Variants in PALD1 observed in about 807,000 individuals in gnomAD.
PALD1 encodes the protein paladin.
Under a neutral mutation model 96.0 loss-of-function variants are expected in PALD1, and 57 were observed. That is an observed-to-expected ratio of 0.59 (90% CI 0.48 to 0.74). PALD1 has a LOEUF of 0.74. Ranked by LOEUF, PALD1 falls within the 30% of genes least tolerant of loss-of-function variation. The probability of loss-of-function intolerance (pLI) is 0.00; values close to 1 mark genes in which losing one functional copy is unlikely to be tolerated. For synonymous variants in PALD1, 464 were observed against 473.6 expected (o/e 0.98, Z 0.26); for missense variants, 1,063 against 1,143.7 (o/e 0.93, Z 1.02).
intron 16 of PALD1, 48 bp downstream of exon 16, chr10:70,541,290 T>C (rs771980072): frequency 1.3e-6 from 2 of 1,573,736 alleles, no homozygotes; most frequent in Non-Finnish European, 1.7e-6. Context: ...TGGAGGAGGG[T>C]AGACACTCAG....
chr10:70,472,585 A>G, the PALD1 span, among the ~76,000 whole-genome samples: 1 of 152,044 alleles, frequency 6.6e-6, no homozygotes, highest in African/African-American at 2.4e-5. Flanking sequence ...TAAAGGAGGG[A>G]GAGGGTGGGA....
intron 1 of PALD1, among the ~76,000 whole-genome samples, chr10:70,490,828 G>A (rs923983072): frequency 3.3e-5 from 5 of 152,170 alleles, no homozygotes; most frequent in Middle Eastern, 3.2e-3. Flanking sequence ...CCTAGACTAC[G>A]TGTGAGCAAT....
intron 1 of PALD1, among the ~76,000 whole-genome samples, chr10:70,479,857 A>G (rs563231808): frequency 6.6e-6 from 1 of 152,332 alleles, no homozygotes; most frequent in African/African-American, 2.4e-5. Flanking sequence ...TGCCCCTGGA[A>G]TGTGTGGATG....
At chr10:70,486,700 G>A (rs1168834169) in intron 1 of PALD1, among the ~76,000 whole-genome samples, 1 of 152,156 alleles carries the variant, frequency 6.6e-6, no homozygotes, top group African/African-American at 2.4e-5. Context: ...GGCAGAGGTT[G>A]CAATGAGCTG....
intron 1 of PALD1, among the ~76,000 whole-genome samples, chr10:70,495,704 T>C (rs1327688805): frequency 2.0e-5 from 3 of 151,902 alleles, no homozygotes; most frequent in Non-Finnish European, 4.4e-5. Flanking sequence ...GTTACTTTTG[T>C]AATAAAAAAC....
At chr10:70,503,415 C>T (rs1846332730) in intron 1 of PALD1, among the ~76,000 whole-genome samples, 1 of 152,122 alleles carries the variant, frequency 6.6e-6, no homozygotes, top group African/African-American at 2.4e-5. Context: ...GCGGGTGGAT[C>T]ACCTTAGGTC....
At chr10:70,538,534 G>A in intron 12 of PALD1, 126 bp downstream of exon 12, 1 of 1,011,160 alleles carries the variant, frequency 9.9e-7, no homozygotes, top group Non-Finnish European at 1.4e-6. Flanking sequence ...GAGGCTGTGG[G>A]TGTTGGGATC....
chr10:70,485,556 T>C (rs2132259937), intron 1 of PALD1, among the ~76,000 whole-genome samples: 1 of 152,102 alleles, frequency 6.6e-6, no homozygotes, highest in Non-Finnish European at 1.5e-5. Context: ...ACTACAAGTG[T>C]GCACCACCAC....
intron 2 of PALD1, 142 bp downstream of exon 2, chr10:70,526,278 A>G (rs1589195742): frequency 1.5e-6 from 1 of 670,934 alleles, no homozygotes; most frequent in South Asian, 1.8e-5. Flanking sequence ...GCCCAGGGAG[A>G]TGAAGCAGTT....
At chr10:70,556,849 G>A (rs1246312689) in intron 18 of PALD1, among the ~76,000 whole-genome samples, 2 of 152,132 alleles carry the variant, frequency 1.3e-5, no homozygotes, top group Non-Finnish European at 2.9e-5. Context: ...CTTGGTGCCT[G>A]CTGCTCTCAT....
At chr10:70,517,680 G>A (rs893521688) in intron 1 of PALD1, among the ~76,000 whole-genome samples, 11 of 152,076 alleles carry the variant, frequency 7.2e-5, no homozygotes, top group African/African-American at 2.4e-4. Flanking sequence ...AATGTACGCC[G>A]TTGTGTGGCC....
the PALD1 span, among the ~76,000 whole-genome samples, chr10:70,472,434 T>C: frequency 6.6e-6 from 1 of 151,988 alleles, no homozygotes; most frequent in African/African-American, 2.4e-5. Flanking sequence ...CTAATTTTTG[T>C]ATTTTTAGTA....
At chr10:70,529,717 T>C (rs1268504559) in intron 3 of PALD1, among the ~76,000 whole-genome samples, 172 bp from the exon 4 acceptor site, 2 of 151,846 alleles carry the variant, frequency 1.3e-5, no homozygotes, top group Non-Finnish European at 2.9e-5. Flanking sequence ...TCACAGAGAG[T>C]TATATATTTT....
the PALD1 span, among the ~76,000 whole-genome samples, chr10:70,473,635 G>A: frequency 7.0e-6 from 1 of 143,284 alleles, no homozygotes. Flanking sequence ...CTCCATAAAT[G>A]TTTGTTTACA....
chr10:70,532,848 A>G, intron 6 of PALD1, 67 bp downstream of exon 6: 1 of 1,572,728 alleles, frequency 6.4e-7, no homozygotes, highest in Non-Finnish European at 8.7e-7. Context: ...CTGCAGCCTC[A>G]GTTTCACCAT....
rs113911233 is a variant in PALD1, at chr10:70,555,734, G to C, written c.2262+8288G>C. Among the ~76,000 whole-genome samples the C allele has an allele frequency of 6.1e-3, 933 of 152,348 alleles. 6 individuals are homozygous for C. The highest frequency in any genetic ancestry group is 0.01 in the Non-Finnish European group (686 of 68,034). On this transcript the variant is annotated intron_variant, in intron 18 of 19. Coordinates refer to ENST00000263563, the MANE Select transcript of PALD1 (RefSeq NM_014431.3). ...CTCTGGCTGTTGGCCGGGCGCAGTGGCTCCCGCCTGTAATCCCAACACCTT... is the reference window on the plus strand; with the variant it reads ...CTCTGGCTGTTGGCCGGGCGCAGTGCCTCCCGCCTGTAATCCCAACACCTT...
chr10:70,557,930 C>CTTTTTTTTTTTTTTTTTT (rs781513750), intron 18 of PALD1, among the ~76,000 whole-genome samples: 2 of 92,882 alleles, frequency 2.2e-5, no homozygotes, highest in African/African-American at 8.0e-5. Context: ...TTGGCTCTTC[C>CTTTTTTTTTTTTTTTTTT]TTTTTTTTTT....
chr10:70,531,176 T>G, intron 4 of PALD1, 114 bp from the exon 5 acceptor site: 1 of 803,598 alleles, frequency 1.2e-6, no homozygotes, highest in Non-Finnish European at 2.0e-6. Context: ...GCAGGGATGG[T>G]GTGGGGTGCA....
chr10:70,518,597 A>G (rs1280273823), intron 1 of PALD1, among the ~76,000 whole-genome samples: 1 of 152,234 alleles, frequency 6.6e-6, no homozygotes, highest in African/African-American at 2.4e-5. Context: ...ATCTGTATGT[A>G]TCTTCAAATC....
Sources: allele counts gnomAD v4.1 joint callset (sites outside exome capture counted in the v4.1 genomes callset), GRCh38; gene constraint gnomAD v4.1.1; transcripts MANE v1.5; gene names NCBI Gene and HGNC (gene_info 2026-07-23, HGNC 2026-07-21).